WASHC2C: variants seen among roughly 807,000 people sequenced by gnomAD.
WASHC2C encodes Vaccinia Penetration Factor.
In WASHC2C, 73 loss-of-function variants were observed where a neutral mutation model predicts 142.2. That is an observed-to-expected ratio of 0.51 (90% CI 0.43 to 0.62). WASHC2C has a LOEUF of 0.62. WASHC2C is among the 20% of genes least tolerant of loss of function. The pLI is 0.00. For missense variants in WASHC2C, 969 were observed against 1,531.7 expected, an observed-to-expected ratio of 0.63 and a Z score of 6.13; for synonymous variants, 337 against 565.5, an observed-to-expected ratio of 0.60 and a Z score of 5.73.
intron 18 of WASHC2C, among the ~76,000 whole-genome samples, chr10:45,765,291 A>C (rs2055657331): frequency 1.3e-5 from 2 of 150,672 alleles, no homozygotes; most frequent in African/African-American, 4.9e-5. Flanking sequence ...ATTCGTGGAG[A>C]CAACAGTGTG....
At chr10:45,729,295 G>A (rs1554861395) in intron 3 of WASHC2C, among the ~76,000 whole-genome samples, 4 of 152,220 alleles carry the variant, frequency 2.6e-5, no homozygotes. Flanking sequence ...CAATTGTGCT[G>A]AATTGTGTGG....
intron 8 of WASHC2C, among the ~76,000 whole-genome samples, 198 bp from the exon 9 acceptor site, chr10:45,749,898 A>G (rs1262694025): frequency 7.4e-6 from 1 of 136,026 alleles, no homozygotes; most frequent in Admixed American, 7.5e-5. Flanking sequence ...ATTTTTATAT[A>G]TTTTTTTTCT....
rs567393791 is a variant in WASHC2C at position 45,787,830 on chromosome 10, C to G, written c.3087+583C>G. 1.5e-3 allele frequency among the ~76,000 whole-genome samples: 232 copies of G among 152,328 alleles called. 2 individuals are homozygous for G. The highest frequency in any genetic ancestry group is 3.1e-3 in the South Asian group (15 of 4,824). ...TGTGCTTCCACATCCCCACTTCTGT[C>G]ACTGTGCCCTGCACTCCCTGCACCA... On this transcript the variant is annotated intron_variant, in intron 28 of 30. Coordinates refer to ENST00000623400, the MANE Select transcript of WASHC2C (RefSeq NM_001330074.2).
At chr10:45,763,584 G>C (rs868916962) in intron 18 of WASHC2C, 95 bp downstream of exon 18, 1 of 761,652 alleles carries the variant, frequency 1.3e-6, no homozygotes. Flanking sequence ...CTAGCAAAAG[G>C]TGGTAGGGAA....
chr10:45,788,817 C>T (rs1270215596), intron 28 of WASHC2C, 54 bp from the exon 29 acceptor site: 15 of 1,611,892 alleles, frequency 9.3e-6, no homozygotes, highest in East Asian at 2.2e-5. Flanking sequence ...GCCATGGTAG[C>T]TTTGAACACT....
chr10:45,790,017 A>AGAGCTCTCTG (rs2058304290), intron 29 of WASHC2C, among the ~76,000 whole-genome samples: 1 of 152,248 alleles, frequency 6.6e-6, no homozygotes, highest in Non-Finnish European at 1.5e-5. Context: ...GAAGATAATC[A>AGAGCTCTCTG]AATACAAACA....
chr10:45,750,742 C>T lies in WASHC2C; in HGVS notation c.844-9C>T. On this transcript the variant is annotated splice_polypyrimidine_tract_variant and intron_variant, in intron 9 of 30. Transcript: ENST00000623400. ...AAAAAAGCGATTCTTTTGATTTCTC[C>T]TGCTGTAGAAAAGAAGCAGACCTAC... The T allele has an allele frequency of 6.5e-7, 1 of 1,547,392 alleles. No individual in the cohort carries two copies. Among genetic ancestry groups the T allele is most frequent in the Non-Finnish European group, 8.7e-7 (1 of 1,146,542 alleles).
Position 45,787,928 on chromosome 10 carries a change from A to T in WASHC2C, c.3087+681A>T, listed in dbSNP as rs576056743. On this transcript the variant is annotated intron_variant, in intron 28 of 30. Transcript: ENST00000623400. ...GTGAACTCTTTGAAGTTTTCCTTTC[A>T]TTGTAGTTGGGTTTCTTGTTTCTAT... Among the ~76,000 whole-genome samples the T allele has an allele frequency of 1.1e-4, 17 of 152,248 alleles. No homozygotes were observed. The South Asian group carries it at 3.5e-3, about 32-fold the overall frequency.
In WASHC2C at chr10:45,782,985, G is replaced by T. The variant is rs547999633; in HGVS notation, c.2479-1580G>T. Among the ~76,000 whole-genome samples, 77 of 152,310 alleles carry T rather than the reference G, an allele frequency of 5.1e-4. No homozygotes were observed. The South Asian group carries it at 7.7e-3, about 15-fold the overall frequency. ...TAATGGTTTGGGGTTTCTTTTGGGG[G>T]TGATGAGAATATTCTAAACTTAGAT... is the stretch of plus-strand genomic sequence containing the variant. On this transcript the variant is annotated intron_variant, in intron 23 of 30. Transcript: ENST00000623400.
chr10:45,784,291 C>CAT (rs1270243147), intron 23 of WASHC2C, among the ~76,000 whole-genome samples: 20 of 8,764 alleles, frequency 2.3e-3, no homozygotes, highest in Admixed American at 3.9e-3. Context: ...TATATATATA[C>CAT]ACATATATAT....
intron 30 of WASHC2C, among the ~76,000 whole-genome samples, chr10:45,790,781 T>C (rs2058350000): frequency 6.6e-6 from 1 of 152,230 alleles, no homozygotes; most frequent in South Asian, 2.1e-4. Context: ...ATAATTTAAC[T>C]TTGATCTCAG....
chr10:45,739,330 T>C (rs1234667925), intron 4 of WASHC2C, among the ~76,000 whole-genome samples: 1 of 150,832 alleles, frequency 6.6e-6, no homozygotes, highest in Non-Finnish European at 1.5e-5. Flanking sequence ...CAACACTGTG[T>C]GGTTTGGTTC....
In WASHC2C at chr10:45,791,377, C is replaced by T. The variant is rs1444159287; in HGVS notation, c.3886+844C>T. 2.0e-5 allele frequency among the ~76,000 whole-genome samples: 3 copies of T among 148,948 alleles called. No homozygotes were observed. In the East Asian group the frequency reaches 5.8e-4, roughly 29 times the overall value. ...CAGAAAATGTAAAAAGTGAATAACCCCTAGAGGTAATAGTAACAGTTTGGT... is the reference window on the plus strand; with the variant it reads ...CAGAAAATGTAAAAAGTGAATAACCTCTAGAGGTAATAGTAACAGTTTGGT... On this transcript the variant is annotated intron_variant, in intron 30 of 30. Transcript: ENST00000623400.
At chr10:45,738,830 G>A (rs1275217250) in intron 4 of WASHC2C, among the ~76,000 whole-genome samples, 4 of 152,036 alleles carry the variant, frequency 2.6e-5, no homozygotes, top group Non-Finnish European at 4.4e-5. Flanking sequence ...TCAGCTTCCC[G>A]AGTAGCTGGG....
At chr10:45,746,807 C>T (rs2052895050) in intron 8 of WASHC2C, among the ~76,000 whole-genome samples, 160 bp downstream of exon 8, 1 of 152,178 alleles carries the variant, frequency 6.6e-6, no homozygotes, top group Non-Finnish European at 1.5e-5. Context: ...CTAACTACCT[C>T]CTTTGTATAT....
chr10:45,748,925 A>G (rs1323420691), intron 8 of WASHC2C, among the ~76,000 whole-genome samples: 1 of 152,152 alleles, frequency 6.6e-6, no homozygotes, highest in East Asian at 1.9e-4. Flanking sequence ...CTTTGCTTTT[A>G]TAAACACATC....
At chr10:45,773,555 G>GT (rs1267953421) in intron 21 of WASHC2C, among the ~76,000 whole-genome samples, 197 bp downstream of exon 21, 1 of 152,234 alleles carries the variant, frequency 6.6e-6, no homozygotes, top group African/African-American at 2.4e-5. Flanking sequence ...CCATCATTCA[G>GT]TGTCAGGTGT....
At chr10:45,732,122 A>G (rs558556266) in intron 3 of WASHC2C, among the ~76,000 whole-genome samples, 26 of 152,200 alleles carry the variant, frequency 1.7e-4, no homozygotes, top group Admixed American at 2.0e-4. Context: ...TTTTATTTTC[A>G]ATCCCTGACA....
chr10:45,790,610 T>C, intron 30 of WASHC2C, 77 bp downstream of exon 30: 2 of 1,611,270 alleles, frequency 1.2e-6, no homozygotes, highest in South Asian at 2.2e-5. Flanking sequence ...CTACCTTTTC[T>C]TGGCCCTTTT....
Sources: gnomAD v4.1 joint callset for allele counts (sites outside exome capture counted in the v4.1 genomes callset) on GRCh38, gnomAD v4.1.1 for gene constraint, MANE v1.5 for transcripts, NCBI Gene and HGNC (gene_info 2026-07-23, HGNC 2026-07-21) for gene names.